SYT16: variants seen among roughly 807,000 people sequenced by gnomAD.
SYT16 encodes the protein synaptotagmin 16, also known as synaptotagmin-16.
In SYT16, 42 loss-of-function variants were observed where a neutral mutation model predicts 61.4. The ratio of observed to expected loss-of-function variants is 0.68; its 90% CI spans 0.53 to 0.89. The LOEUF (loss-of-function observed/expected upper bound fraction) is 0.89. Ranked by LOEUF, SYT16 falls within the 40% of genes least tolerant of loss-of-function variation. SYT16 has a pLI of 0.00. For missense variants in SYT16, 804 were observed against 807.3 expected, an observed-to-expected ratio of 1.00 and a Z score of 0.05; for synonymous variants, 314 against 302.3, an observed-to-expected ratio of 1.04 and a Z score of -0.40.
chr14:61,960,244 A>G (rs2051061611), intron 1 of SYT16, among the ~76,000 whole-genome samples: 1 of 152,148 alleles, frequency 6.6e-6, no homozygotes. Flanking sequence ...GAAGAATGTC[A>G]CTGGTAGTTT....
At position 61,815,961 on chromosome 14, in the gene SYT16, C is replaced by G. The variant is rs556495055; in HGVS notation, c.-325+3151C>G. On this transcript the variant is annotated intron_variant, in intron 1 of 7. Transcript: ENST00000683842. ...GTAAGAATAATTTCTTAGGATCAGC[C>G]AGGCATGTTTAGGTAATGTTGGAAA... Among the ~76,000 whole-genome samples the G allele has an allele frequency of 8.7e-4, 133 of 152,246 alleles. 1 individual carries two copies. The highest frequency in any genetic ancestry group is 3.1e-3 in the African/African-American group (130 of 41,530).
chr14:61,869,931 C>T (rs2047277725), intron 1 of SYT16, among the ~76,000 whole-genome samples: 1 of 152,144 alleles, frequency 6.6e-6, no homozygotes, highest in Non-Finnish European at 1.5e-5. Context: ...GTTTAAACCA[C>T]CCAATCTGCT....
intron 1 of SYT16, among the ~76,000 whole-genome samples, chr14:61,876,276 G>A (rs1202298255): frequency 6.6e-6 from 1 of 152,210 alleles, no homozygotes; most frequent in African/African-American, 2.4e-5. Flanking sequence ...ATTTAACCAG[G>A]AAAAATCTTG....
At chr14:62,000,099 A>ATTTTTTTTTTTTTTTTTTTT in intron 3 of SYT16, among the ~76,000 whole-genome samples, 2 of 18,958 alleles carry the variant, frequency 1.1e-4, no homozygotes, top group Non-Finnish European at 1.7e-4. Context: ...TTGTCTCTCG[A>ATTTTTTTTTTTTTTTTTTTT]TTTTTTTTTT....
At chr14:61,940,414 C>CA (rs1390745533) in intron 1 of SYT16, among the ~76,000 whole-genome samples, 14 of 151,858 alleles carry the variant, frequency 9.2e-5, no homozygotes, top group African/African-American at 2.4e-4. Flanking sequence ...TAAACAACAA[C>CA]AAAAAAATCC....
chr14:62,031,072 G>T (rs953553063), intron 3 of SYT16, among the ~76,000 whole-genome samples: 3 of 152,124 alleles, frequency 2.0e-5, no homozygotes, highest in East Asian at 1.9e-4. Context: ...TAAGCTATAC[G>T]ACATAGACTT....
chr14:61,991,945 T>TGTTCGTTC (rs544274143), intron 2 of SYT16, among the ~76,000 whole-genome samples: 6 of 124,110 alleles, frequency 4.8e-5, no homozygotes, highest in African/African-American at 1.9e-4. Flanking sequence ...CTAATAACTT[T>TGTTCGTTC]GTTCGTTCAT....
At chr14:62,061,678 T>A (rs1241024978) in intron 3 of SYT16, among the ~76,000 whole-genome samples, 1 of 152,122 alleles carries the variant, frequency 6.6e-6, no homozygotes. Context: ...GGTAAAGTGG[T>A]CAATTCATCA....
At chr14:62,042,736 A>G (rs2054786371) in intron 3 of SYT16, among the ~76,000 whole-genome samples, 1 of 152,114 alleles carries the variant, frequency 6.6e-6, no homozygotes, top group African/African-American at 2.4e-5. Context: ...TTTCCTCTTT[A>G]ATACTGTTTC....
At chr14:62,096,299 C>G (rs535892185) in intron 7 of SYT16, among the ~76,000 whole-genome samples, 87 of 152,180 alleles carry the variant, frequency 5.7e-4, no homozygotes, top group African/African-American at 1.9e-3. Context: ...ATTAATACAA[C>G]TGGCAAAGAT....
At chr14:61,812,598 C>A (rs577083408), upstream of SYT16, 1,266 of 149,208 alleles carry the variant, frequency 8.5e-3, 7 homozygotes, top group Non-Finnish European at 0.014. Context: ...TCTCAGGACG[C>A]CGGCGGCGGC....
intron 3 of SYT16, among the ~76,000 whole-genome samples, chr14:62,022,128 T>G (rs1285526541): frequency 6.6e-6 from 1 of 152,106 alleles, no homozygotes; most frequent in Non-Finnish European, 1.5e-5. Flanking sequence ...TATATCTACC[T>G]ACACATGTAC....
intron 7 of SYT16, among the ~76,000 whole-genome samples, chr14:62,098,478 A>G (rs61993257): frequency 0.46 from 69,641 of 151,944 alleles, 16,092 homozygotes; most frequent in Middle Eastern, 0.55. Flanking sequence ...AGATCATGTT[A>G]GTAAAATTTG....
At chr14:62,093,864 C>T (rs930257924) in intron 7 of SYT16, among the ~76,000 whole-genome samples, 2 of 152,070 alleles carry the variant, frequency 1.3e-5, no homozygotes, top group African/African-American at 4.8e-5. Context: ...TTAAACCCTG[C>T]TGACTCAGGG....
chr14:61,945,473 T>C (rs1292051180), intron 1 of SYT16, among the ~76,000 whole-genome samples: 2 of 152,130 alleles, frequency 1.3e-5, no homozygotes, highest in Non-Finnish European at 1.5e-5. Context: ...TAGCAAAGAC[T>C]TGGAACTAAC....
At chr14:61,983,053 C>A (rs1329533899) in intron 2 of SYT16, among the ~76,000 whole-genome samples, 2 of 152,080 alleles carry the variant, frequency 1.3e-5, no homozygotes, top group Non-Finnish European at 2.9e-5. Context: ...AGGTGGGAAG[C>A]AAGGAAAAGA....
At chr14:61,849,320 A>T (rs915083767) in intron 1 of SYT16, among the ~76,000 whole-genome samples, 1 of 152,126 alleles carries the variant, frequency 6.6e-6, no homozygotes, top group African/African-American at 2.4e-5. Context: ...TAGTTGCCCC[A>T]GCCAGTGTCT....
intron 1 of SYT16, among the ~76,000 whole-genome samples, chr14:61,850,041 A>G (rs2046564854): frequency 6.6e-6 from 1 of 152,124 alleles, no homozygotes; most frequent in South Asian, 2.1e-4. Flanking sequence ...CATCCATTCC[A>G]ACATCTGTTG....
At chr14:62,082,538 C>T (rs68109559) in intron 6 of SYT16, among the ~76,000 whole-genome samples, 51,606 of 152,034 alleles carry the variant, frequency 0.34, 9,136 homozygotes, top group South Asian at 0.43. Context: ...AGCTGCTCAG[C>T]GGTGGTCTTT....
Sources: gnomAD v4.1 joint callset for allele counts (sites outside exome capture counted in the v4.1 genomes callset) on GRCh38, gnomAD v4.1.1 for gene constraint, MANE v1.5 for transcripts, NCBI Gene and HGNC (gene_info 2026-07-23, HGNC 2026-07-21) for gene names.